Variants in PNPLA1 observed in about 807,000 individuals in gnomAD.
The protein encoded by PNPLA1 is patatin like domain 1, omega-hydroxyceramide transacylase, also known as omega-hydroxyceramide transacylase.
PNPLA1 carries 36 observed loss-of-function variants against 51.7 expected under a neutral mutation model. The observed-to-expected ratio is 0.70, with a 90% CI of 0.53 to 0.92. The LOEUF is 0.92. Ranked by LOEUF, PNPLA1 falls within the 40% of genes least tolerant of loss-of-function variation. PNPLA1 has a pLI of 0.00. For synonymous variants in PNPLA1, 293 were observed against 280.1 expected, an observed-to-expected ratio of 1.05 and a Z score of -0.46; for missense variants, 658 against 682.5, an observed-to-expected ratio of 0.96 and a Z score of 0.40.
upstream of PNPLA1, among the ~76,000 whole-genome samples, chr6:36,266,355 C>T (rs1481909717): frequency 6.6e-6 from 1 of 152,204 alleles, no homozygotes; most frequent in East Asian, 1.9e-4. Flanking sequence ...GTAACCAATA[C>T]ACTCAGTGTG....
chr6:36,285,166 A>G (rs1467910), intron 1 of PNPLA1, among the ~76,000 whole-genome samples: 2 of 152,336 alleles, frequency 1.3e-5, no homozygotes. Flanking sequence ...TCAGTCTGCA[A>G]TTAGGGACCA....
chr6:36,261,861 G>C (rs1429877862), intron 1 of PNPLA1, among the ~76,000 whole-genome samples: 1 of 152,174 alleles, frequency 6.6e-6, no homozygotes, highest in Admixed American at 6.5e-5. Flanking sequence ...TAAGAAAGGC[G>C]GCTGGACTTA....
chr6:36,253,265 C>T (rs1769460986), intron 1 of PNPLA1, among the ~76,000 whole-genome samples: 5 of 152,174 alleles, frequency 3.3e-5, no homozygotes, highest in Admixed American at 3.3e-4. Context: ...TAAAATATGG[C>T]TACTCAACAT....
chr6:36,289,545 C>A (rs1238506515), intron 1 of PNPLA1, among the ~76,000 whole-genome samples: 1 of 151,810 alleles, frequency 6.6e-6, no homozygotes, highest in African/African-American at 2.4e-5. Flanking sequence ...AGGAGGGTGA[C>A]AATTACGATG....
intron 1 of PNPLA1, among the ~76,000 whole-genome samples, chr6:36,290,343 G>T (rs1018463518): frequency 1.6e-4 from 24 of 152,236 alleles, no homozygotes; most frequent in African/African-American, 5.8e-4. Context: ...AAAAGCAGGT[G>T]TGGGCTCGGC....
intron 2 of PNPLA1, among the ~76,000 whole-genome samples, chr6:36,292,117 G>C (rs189994434): frequency 6.6e-6 from 1 of 152,276 alleles, no homozygotes; most frequent in Admixed American, 6.5e-5. Flanking sequence ...CCGCAGGTAG[G>C]TCCCAGTGTC....
chr6:36,290,871 G>A lies in PNPLA1; in HGVS notation c.206-449G>A, dbSNP rs141890520. ...AGTGGGCACCAAGCAAGTATCCCAG[G>A]GCGTCACTTAGGAACAACTTCCAAC... On this transcript the variant is annotated intron_variant, in intron 1 of 8. Coordinates refer to ENST00000636260, the MANE Select transcript of PNPLA1 (RefSeq NM_001374623.1). 7.5e-3 allele frequency among the ~76,000 whole-genome samples: 1,146 copies of A among 152,226 alleles called. 17 individuals carry two copies. The highest frequency in any genetic ancestry group is 0.012 in the Non-Finnish European group (792 of 68,008).
At chr6:36,287,081 G>A (rs1449203499) in intron 1 of PNPLA1, among the ~76,000 whole-genome samples, 1 of 152,162 alleles carries the variant, frequency 6.6e-6, no homozygotes, top group Non-Finnish European at 1.5e-5. Context: ...AACTCTCGCT[G>A]TCTATCCATC....
At chr6:36,257,402 A>G (rs1769554477) in intron 1 of PNPLA1, among the ~76,000 whole-genome samples, 2 of 152,342 alleles carry the variant, frequency 1.3e-5, no homozygotes, top group South Asian at 4.1e-4. Context: ...AAAGACCCAC[A>G]TTCCTTCTGT....
chr6:36,287,638 A>C (rs1231240525), intron 1 of PNPLA1, among the ~76,000 whole-genome samples: 1 of 152,180 alleles, frequency 6.6e-6, no homozygotes, highest in East Asian at 1.9e-4. Context: ...ACTTTCTACC[A>C]GCATAGATTT....
Position 36,306,141 on chromosome 6 carries a change from A to T in PNPLA1, c.1385-151A>T. 4 of 632,558 alleles carry T rather than the reference A, an allele frequency of 6.3e-6. No individual in the cohort carries two copies. In the South Asian group the frequency reaches 9.1e-5, roughly 14 times the overall value. The allele number at this position is 632,558 out of a possible 1,614,324, so 39.2% of individuals were successfully genotyped here. On this transcript the variant is annotated intron_variant, in intron 6 of 8. Transcript: ENST00000636260. ...GCCTGCGTCTCAGTCAAGTCCCACG[A>T]CATGACTCTGGTTGTAAAGATGAGA...
rs1770715036 is a variant in PNPLA1, at chr6:36,292,390, T to C, written c.439-671T>C. On this transcript the variant is annotated intron_variant, in intron 2 of 8. Coordinates refer to ENST00000636260, the MANE Select transcript of PNPLA1 (RefSeq NM_001374623.1). ...ACTTCACTGCCCACTGCTGCAGTTT[T>C]CTCTTCCCGGCCCTCTCCCCCACCT... is the stretch of plus-strand genomic sequence containing the variant. 2.6e-5 allele frequency among the ~76,000 whole-genome samples: 4 copies of C among 152,072 alleles called. No individual in the cohort carries two copies. In the South Asian group the frequency reaches 6.2e-4, roughly 24 times the overall value.
chr6:36,261,085 T>C (rs1218009937), intron 1 of PNPLA1, among the ~76,000 whole-genome samples: 1 of 152,226 alleles, frequency 6.6e-6, no homozygotes, highest in African/African-American at 2.4e-5. Context: ...CTCCTTGGCT[T>C]CCCAAAGTGC....
intron 2 of PNPLA1, 76 bp from the exon 3 acceptor site, chr6:36,292,985 C>A: frequency 7.5e-7 from 1 of 1,333,222 alleles, no homozygotes; most frequent in Non-Finnish European, 1.0e-6. Context: ...TGGTGGGTGG[C>A]CCAGGGGCTG....
intron 1 of PNPLA1, among the ~76,000 whole-genome samples, chr6:36,262,827 G>A (rs1561850488): frequency 6.6e-6 from 1 of 151,910 alleles, no homozygotes; most frequent in Non-Finnish European, 1.5e-5. Context: ...GCATTATGTG[G>A]CTATACCATC....
intron 5 of PNPLA1, among the ~76,000 whole-genome samples, chr6:36,301,114 G>GCCCCCCCCC (rs71540149): frequency 1.0e-5 from 1 of 99,922 alleles, no homozygotes; most frequent in Non-Finnish European, 1.9e-5. Context: ...CCATCCCCCC[G>GCCCCCCCCC]CCCCCCCACC....
At position 36,270,574 on chromosome 6, in the gene PNPLA1, G is replaced by A. The variant is rs1561853742; in HGVS notation, c.115G>A (p.Ala39Thr). The A allele has an allele frequency of 1.9e-6, 3 of 1,551,620 alleles. No individual in the cohort carries two copies. The South Asian group carries it at 3.6e-5, about 18-fold the overall frequency. Residue 39 changes from alanine to threonine, a missense_variant, in exon 1 of 9, where the codon GCC becomes ACC. By Grantham distance (58) the Ala-to-Thr change is moderately conservative. Transcript: ENST00000636260. ...GGCTGTGGACGCCCTGCGGGACCTGGCCCCCCGGATGCTGGAAACAGCCCA... is the reference window on the plus strand; with the variant it reads ...GGCTGTGGACGCCCTGCGGGACCTGACCCCCCGGATGCTGGAAACAGCCCA... ...AGAVDALRDL[A>T]PRMLETAHRF...
intron 5 of PNPLA1, among the ~76,000 whole-genome samples, chr6:36,299,475 C>T (rs1482724922): frequency 6.6e-6 from 1 of 151,978 alleles, no homozygotes; most frequent in African/African-American, 2.4e-5. Context: ...GCTGGGACTA[C>T]AGGCGCCCGC....
chr6:36,262,216 C>A (rs1310472346), intron 1 of PNPLA1, among the ~76,000 whole-genome samples: 1 of 152,136 alleles, frequency 6.6e-6, no homozygotes, highest in Admixed American at 6.5e-5. Flanking sequence ...CACCTTCAAT[C>A]CACTTTCCCC....
Sources: allele counts gnomAD v4.1 joint callset (sites outside exome capture counted in the v4.1 genomes callset), GRCh38; gene constraint gnomAD v4.1.1; transcripts MANE v1.5; gene names NCBI Gene and HGNC (gene_info 2026-07-23, HGNC 2026-07-21).